The following ZDHHC13 variants were observed in gnomAD, a reference collection of about 807,000 sequenced individuals.
ZDHHC13 encodes the protein palmitoyltransferase ZDHHC13.
Under a neutral mutation model 86.0 loss-of-function variants are expected in ZDHHC13, and 85 were observed. The ratio of observed to expected loss-of-function variants is 0.99; its 90% CI spans 0.83 to 1.18. The LOEUF (loss-of-function observed/expected upper bound fraction) is 1.18, where lower values mean the gene tolerates loss of function less well. ZDHHC13 is among the 50% of genes most tolerant of loss of function. ZDHHC13 has a pLI of 0.00. For synonymous variants in ZDHHC13, 263 were observed against 246.4 expected (o/e 1.07, Z -0.63); for missense variants, 711 against 730.2 (o/e 0.97, Z 0.30).
chr11:19,131,242 A>G (rs997400404), intron 1 of ZDHHC13, among the ~76,000 whole-genome samples: 17 of 151,836 alleles, frequency 1.1e-4, no homozygotes, highest in African/African-American at 3.9e-4. Context: ...CTGGTCTCGA[A>G]CTCCTGTCCT....
chr11:19,170,118 A>G (rs1850178662), intron 14 of ZDHHC13: 1 of 1,198,442 alleles, frequency 8.3e-7, no homozygotes, highest in Admixed American at 4.3e-5. Flanking sequence ...TCAGGCTAGT[A>G]TATCTTATGC....
At chr11:19,150,631 G>A in intron 5 of ZDHHC13, 96 bp from the exon 6 acceptor site, 1 of 999,796 alleles carries the variant, frequency 1.0e-6, no homozygotes, top group Non-Finnish European at 1.5e-6. Context: ...AGAAATAATG[G>A]TAGTATTGAA....
chr11:19,141,791 G>T (rs759610511), intron 1 of ZDHHC13, among the ~76,000 whole-genome samples: 10 of 150,466 alleles, frequency 6.6e-5, no homozygotes, highest in Non-Finnish European at 1.3e-4. Flanking sequence ...TAAGATAATT[G>T]TTTAAAGAAA....
At chr11:19,151,556 T>A (rs1027249276) in intron 6 of ZDHHC13, among the ~76,000 whole-genome samples, 2 of 152,042 alleles carry the variant, frequency 1.3e-5, no homozygotes, top group Non-Finnish European at 2.9e-5. Context: ...TCAGGTATAA[T>A]CTCTATAAAG....
intron 14 of ZDHHC13, chr11:19,169,017 CA>C (rs2133476792): frequency 2.0e-6 from 2 of 985,416 alleles, no homozygotes; most frequent in South Asian, 4.7e-5. Flanking sequence ...AATGTATTAG[CA>C]CAAATTAAAG....
intron 10 of ZDHHC13, among the ~76,000 whole-genome samples, chr11:19,162,081 A>G (rs1268827717): frequency 6.6e-6 from 1 of 152,194 alleles, no homozygotes; most frequent in African/African-American, 2.4e-5. Context: ...TCTTGGAGGT[A>G]TGATCACTGT....
rs1289531499 is a variant in ZDHHC13, at chr11:19,164,312, C to G, written c.1245C>G (p.Thr415=). Residue 415 remains threonine (T), a synonymous_variant, in exon 12 of 17, where the codon ACC becomes ACG. Transcript: ENST00000446113. ...TTCATGTCTTTCAGAATATCATCAC[C>G]CTTGCAGAAACTGGCTCTCTGGACT... ...SEEEKKVNII[T]LAETGSLDFR... is the part of the protein sequence containing the mutation. The G allele has an allele frequency of 6.2e-7, 1 of 1,613,040 alleles. No individual in the cohort carries two copies. Among genetic ancestry groups the G allele is most frequent in the African/African-American group, 1.3e-5 (1 of 74,982 alleles).
chr11:19,140,568 A>G (rs1470437277), intron 1 of ZDHHC13, among the ~76,000 whole-genome samples: 2 of 152,294 alleles, frequency 1.3e-5, no homozygotes, highest in South Asian at 2.1e-4. Flanking sequence ...ATTACTGGGT[A>G]TATGCCCAAA....
intron 2 of ZDHHC13, among the ~76,000 whole-genome samples, chr11:19,144,004 C>T (rs911791351): frequency 6.6e-6 from 1 of 152,074 alleles, no homozygotes; most frequent in Non-Finnish European, 1.5e-5. Context: ...CTATCAGAAG[C>T]AAAGATGTTT....
At position 19,150,795 on chromosome 11, in the gene ZDHHC13, A is replaced by G; in HGVS notation, c.584+4A>G. On this transcript the variant is annotated splice_donor_region_variant and intron_variant, in intron 6 of 16. Transcript: ENST00000446113. ...TATCAGCTCACAAAGTAATTGGGTG[A>G]GTTTAATTTAGTCCACTCAATCTCA... 4 of 1,607,258 alleles carry G rather than the reference A, an allele frequency of 2.5e-6. No individual in the cohort carries two copies. The highest frequency in any genetic ancestry group is 3.4e-6 in the Non-Finnish European group (4 of 1,175,124).
At chr11:19,149,764 A>G (rs1482012530) in intron 5 of ZDHHC13, among the ~76,000 whole-genome samples, 1 of 152,244 alleles carries the variant, frequency 6.6e-6, no homozygotes, top group Non-Finnish European at 1.5e-5. Context: ...AAGTAATTCC[A>G]TGAAAATTGA....
chr11:19,144,597 C>A (rs991309508), intron 2 of ZDHHC13, among the ~76,000 whole-genome samples: 2 of 151,820 alleles, frequency 1.3e-5, no homozygotes, highest in African/African-American at 4.8e-5. Context: ...GTGTCATTTT[C>A]AAAAATTTAC....
At chr11:19,119,385 G>A (rs1178909325) in intron 1 of ZDHHC13, among the ~76,000 whole-genome samples, 4 of 152,136 alleles carry the variant, frequency 2.6e-5, no homozygotes, top group Non-Finnish European at 4.4e-5. Flanking sequence ...CATTACAGGC[G>A]TGAGCCACCG....
intron 6 of ZDHHC13, among the ~76,000 whole-genome samples, chr11:19,151,639 A>C (rs1849610315): frequency 6.6e-6 from 1 of 152,076 alleles, no homozygotes; most frequent in South Asian, 2.1e-4. Flanking sequence ...AAGGAAGGAA[A>C]GGTATTGGTA....
chr11:19,140,777 G>T (rs1466300232), intron 1 of ZDHHC13, among the ~76,000 whole-genome samples: 1 of 152,082 alleles, frequency 6.6e-6, no homozygotes, highest in Admixed American at 6.5e-5. Flanking sequence ...GGACATGGAT[G>T]AAATCGGAAA....
In ZDHHC13 at chr11:19,146,243, A is replaced by T; in HGVS notation, c.236A>T (p.Asp79Val). 6.2e-7 allele frequency: 1 copy of T among 1,613,122 alleles called. No homozygotes were observed. Among genetic ancestry groups the T allele is most frequent in the South Asian group, 1.1e-5 (1 of 90,884 alleles). ...GCAGGATATGATGTCAGGCAACCAG[A>T]TAAAGAAAATGTGTCGCTTCTTCAT... ...VEAGYDVRQP[D>V]KENVSLLHWA... The change falls in exon 3 of 17, where the codon GAT becomes GTT. Residue 79 changes from aspartate (D) to valine (V), a missense_variant. By Grantham distance (152) the Asp-to-Val change is radical (BLOSUM62 -3). Coordinates refer to ENST00000446113, the MANE Select transcript of ZDHHC13 (RefSeq NM_019028.3).
At chr11:19,171,180 A>G (rs1850211465) in intron 15 of ZDHHC13, among the ~76,000 whole-genome samples, 1 of 152,230 alleles carries the variant, frequency 6.6e-6, no homozygotes, top group Non-Finnish European at 1.5e-5. Context: ...CATGGCCATT[A>G]GAAAGTTCAA....
chr11:19,149,422 T>C, intron 5 of ZDHHC13, 91 bp downstream of exon 5: 2 of 1,215,230 alleles, frequency 1.6e-6, no homozygotes, highest in Non-Finnish European at 2.2e-6. Context: ...ATTTTTAAAG[T>C]GGAGGTTAAT....
At chr11:19,165,268 T>C (rs1040475132) in intron 13 of ZDHHC13, 123 bp downstream of exon 13, 2 of 845,870 alleles carry the variant, frequency 2.4e-6, no homozygotes, top group African/African-American at 1.7e-5. Flanking sequence ...CCAATAGCAA[T>C]GGGCCCATGC....
Sources: gnomAD v4.1 joint callset for allele counts (sites outside exome capture counted in the v4.1 genomes callset) on GRCh38, gnomAD v4.1.1 for gene constraint, MANE v1.5 for transcripts, NCBI Gene and HGNC (gene_info 2026-07-23, HGNC 2026-07-21) for gene names.